LRP1B: variants seen among roughly 807,000 people sequenced by gnomAD.
LRP1B encodes low-density lipoprotein receptor-related protein 1B.
In LRP1B, 217 loss-of-function variants were observed where a neutral mutation model predicts 556.6. The ratio of observed to expected loss-of-function variants is 0.39; its 90% CI spans 0.35 to 0.44. The LOEUF (loss-of-function observed/expected upper bound fraction) is 0.44, where lower values mean the gene tolerates loss of function less well. LRP1B is among the 20% of genes least tolerant of loss of function. The pLI is 1.00. For missense variants in LRP1B, 5,053 were observed against 5,620.8 expected (o/e 0.90, Z 3.23); for synonymous variants, 2,047 against 1,865.8 (o/e 1.10, Z -2.50).
chr2:141,667,644 C>T (rs1690494931), intron 2 of LRP1B, among the ~76,000 whole-genome samples: 2 of 152,186 alleles, frequency 1.3e-5, no homozygotes, highest in African/African-American at 4.8e-5. Flanking sequence ...GTTCTAATAT[C>T]AGTTTTACTC....
chr2:141,324,685 C>T (rs928806372), intron 3 of LRP1B, among the ~76,000 whole-genome samples: 1 of 152,032 alleles, frequency 6.6e-6, no homozygotes, highest in Non-Finnish European at 1.5e-5. Flanking sequence ...GAGGCAAGGA[C>T]ATGAAGCCTG....
At chr2:140,867,306 C>T (rs1692980245) in intron 27 of LRP1B, among the ~76,000 whole-genome samples, 1 of 151,866 alleles carries the variant, frequency 6.6e-6, no homozygotes, top group African/African-American at 2.4e-5. Flanking sequence ...CAATATGCTA[C>T]ATGGTAATAA....
chr2:141,865,627 A>G (rs1390706306), intron 1 of LRP1B, among the ~76,000 whole-genome samples: 3 of 151,822 alleles, frequency 2.0e-5, no homozygotes, highest in African/African-American at 4.8e-5. Flanking sequence ...AAAGAAAAAA[A>G]GACAGAAATT....
intron 7 of LRP1B, among the ~76,000 whole-genome samples, chr2:141,167,630 T>G (rs1680327237): frequency 6.6e-6 from 1 of 151,950 alleles, no homozygotes; most frequent in Admixed American, 6.6e-5. Context: ...GATTTACAGG[T>G]GATTATAATA....
At chr2:141,028,665 C>T (rs904584850) in intron 11 of LRP1B, among the ~76,000 whole-genome samples, 3 of 151,892 alleles carry the variant, frequency 2.0e-5, no homozygotes, top group African/African-American at 7.3e-5. Flanking sequence ...TATATTAGAA[C>T]AAAAATCATC....
chr2:140,689,073 A>G (rs1686148993), intron 41 of LRP1B, among the ~76,000 whole-genome samples: 1 of 152,252 alleles, frequency 6.6e-6, no homozygotes, highest in Non-Finnish European at 1.5e-5. Context: ...AATAAAACAT[A>G]TTTAATTAAA....
chr2:141,965,874 C>T (rs1574540187), intron 1 of LRP1B, among the ~76,000 whole-genome samples: 1 of 143,250 alleles, frequency 7.0e-6, no homozygotes, highest in East Asian at 2.1e-4. Flanking sequence ...AAATATTATT[C>T]TAATTGCTGA....
chr2:141,511,087 G>C (rs902145729), intron 2 of LRP1B, among the ~76,000 whole-genome samples: 1 of 152,098 alleles, frequency 6.6e-6, no homozygotes, highest in Non-Finnish European at 1.5e-5. Context: ...TGACCCCAAG[G>C]TTCAAGGTTT....
At chr2:140,578,929 A>G (rs187006175) in intron 43 of LRP1B, among the ~76,000 whole-genome samples, 1 of 152,250 alleles carries the variant, frequency 6.6e-6, no homozygotes, top group Non-Finnish European at 1.5e-5. Flanking sequence ...TATTTTTCAG[A>G]GAGAAAGGAG....
At chr2:141,104,451 C>T (rs1318992759) in intron 7 of LRP1B, among the ~76,000 whole-genome samples, 4 of 151,982 alleles carry the variant, frequency 2.6e-5, no homozygotes, top group African/African-American at 9.7e-5. Flanking sequence ...AGAAGATGAC[C>T]TAGCTCTGTC....
chr2:140,540,173 G>C (rs962270121), intron 45 of LRP1B, among the ~76,000 whole-genome samples: 1 of 152,024 alleles, frequency 6.6e-6, no homozygotes, highest in Non-Finnish European at 1.5e-5. Context: ...TGAATGAAAA[G>C]ATATGAGATG....
intron 41 of LRP1B, among the ~76,000 whole-genome samples, chr2:140,617,106 A>G (rs771407814): frequency 6.6e-6 from 1 of 151,954 alleles, no homozygotes. Context: ...TTGAGCACTT[A>G]CTAAGTGCTC....
intron 82 of LRP1B, among the ~76,000 whole-genome samples, chr2:140,320,470 C>T (rs565296207): frequency 6.6e-5 from 10 of 152,122 alleles, no homozygotes; most frequent in African/African-American, 1.7e-4. Flanking sequence ...CCAGAGTCCA[C>T]GTGAGGAGTG....
Position 141,436,031 on chromosome 2 carries a change from G to A in LRP1B, c.343+44365C>T, listed in dbSNP as rs186869510. ...GAGCTGAAAGGGTAGGGAAAATAGT[G>A]TCTAAGAATTGGGTCACAGTGTAAA... On this transcript the variant is annotated intron_variant, in intron 3 of 90. Transcript: ENST00000389484. Among the ~76,000 whole-genome samples, 17 of 152,258 alleles carry A rather than the reference G, an allele frequency of 1.1e-4. No homozygotes were observed. In the East Asian group the frequency reaches 3.3e-3, roughly 29 times the overall value.
chr2:141,625,541 GA>G (rs1688675888), intron 2 of LRP1B, among the ~76,000 whole-genome samples: 1 of 152,030 alleles, frequency 6.6e-6, no homozygotes, highest in South Asian at 2.1e-4. Flanking sequence ...ATTTGTTACT[GA>G]AAGAATGTAA....
chr2:141,206,724 T>A (rs1209807493), intron 6 of LRP1B, among the ~76,000 whole-genome samples: 2 of 152,168 alleles, frequency 1.3e-5, no homozygotes, highest in Non-Finnish European at 2.9e-5. Context: ...AAAACTATCT[T>A]TTCCACACAA....
chr2:142,111,441 G>A (rs763350750), intron 1 of LRP1B, among the ~76,000 whole-genome samples: 14 of 152,136 alleles, frequency 9.2e-5, no homozygotes, highest in Admixed American at 5.9e-4. Context: ...TGGATCCTGC[G>A]CATACATTTC....
intron 1 of LRP1B, among the ~76,000 whole-genome samples, chr2:142,070,152 G>C (rs1432471958): frequency 6.6e-6 from 1 of 151,594 alleles, no homozygotes; most frequent in Non-Finnish European, 1.5e-5. Context: ...TTTTCATTTA[G>C]GTTTGTTCTT....
intron 3 of LRP1B, among the ~76,000 whole-genome samples, chr2:141,335,464 C>T (rs577560213): frequency 2.0e-5 from 3 of 152,060 alleles, no homozygotes; most frequent in Admixed American, 6.6e-5. Context: ...TTTAGGGTCA[C>T]GCTAAGGACC....
Sources: gnomAD v4.1 joint callset for allele counts (sites outside exome capture counted in the v4.1 genomes callset) on GRCh38, gnomAD v4.1.1 for gene constraint, MANE v1.5 for transcripts, NCBI Gene and HGNC (gene_info 2026-07-23, HGNC 2026-07-21) for gene names.